The following NFIB variants were observed in gnomAD, a reference collection of about 807,000 sequenced individuals.
NFIB encodes nuclear factor 1 B-type.
Under a neutral mutation model 61.5 loss-of-function variants are expected in NFIB, and 11 were observed. The ratio of observed to expected loss-of-function variants is 0.18; its 90% CI spans 0.11 to 0.30. NFIB has a LOEUF of 0.30. Ranked by LOEUF, NFIB falls within the 10% of genes least tolerant of loss-of-function variation. The probability of loss-of-function intolerance (pLI) is 1.00; values close to 1 mark genes in which losing one functional copy is unlikely to be tolerated. For missense variants in NFIB, 471 were observed against 608.9 expected (o/e 0.77, Z 2.38); for synonymous variants, 260 against 216.5 (o/e 1.20, Z -1.76).
chr9:14,256,929 G>A (rs1420583974), intron 2 of NFIB, among the ~76,000 whole-genome samples: 4 of 152,188 alleles, frequency 2.6e-5, no homozygotes, highest in Non-Finnish European at 5.9e-5. Context: ...CCCCAGTTCT[G>A]ATGAGATTAT....
At chr9:14,450,194 C>A in the NFIB span, among the ~76,000 whole-genome samples, 6 of 151,986 alleles carry the variant, frequency 3.9e-5, no homozygotes, top group Non-Finnish European at 4.4e-5. Context: ...TGTTCAATTC[C>A]CACCGATGAG....
chr9:14,287,642 G>A (rs2058805381), intron 2 of NFIB, among the ~76,000 whole-genome samples: 1 of 151,678 alleles, frequency 6.6e-6, no homozygotes, highest in African/African-American at 2.4e-5. Context: ...GGCTGGTCTT[G>A]AACTACTGAC....
intron 1 of NFIB, among the ~76,000 whole-genome samples, chr9:14,349,061 T>C (rs1394941140): frequency 6.6e-6 from 1 of 152,236 alleles, no homozygotes; most frequent in Non-Finnish European, 1.5e-5. Context: ...AGGGGCTGCC[T>C]AAAGCTCTCG....
At chr9:14,172,774 CTT>C (rs925376777) in intron 3 of NFIB, among the ~76,000 whole-genome samples, 3 of 145,992 alleles carry the variant, frequency 2.1e-5, no homozygotes, top group African/African-American at 2.5e-5. Flanking sequence ...AAATTCAACA[CTT>C]TTTTTTTTTT....
At chr9:14,502,990 T>C in the NFIB span, among the ~76,000 whole-genome samples, 28 of 152,120 alleles carry the variant, frequency 1.8e-4, 1 homozygote, top group East Asian at 3.9e-3. Context: ...AGTTTTCCAT[T>C]TCTGATTTAC....
intron 3 of NFIB, among the ~76,000 whole-genome samples, chr9:14,165,589 C>A: frequency 6.6e-6 from 1 of 152,128 alleles, no homozygotes. Context: ...AATAATAAAT[C>A]TAAGCACAAA....
chr9:14,472,836 G>T, the NFIB span, among the ~76,000 whole-genome samples: 1 of 151,232 alleles, frequency 6.6e-6, no homozygotes, highest in Admixed American at 6.6e-5. Context: ...GCGAGACTCC[G>T]TCTCAAAAAA....
chr9:14,490,652 T>A, the NFIB span, among the ~76,000 whole-genome samples: 1 of 152,126 alleles, frequency 6.6e-6, no homozygotes, highest in East Asian at 1.9e-4. Context: ...TGAACAAGCA[T>A]TTCACAGCAG....
At chr9:14,376,517 C>CTTTTT (rs781462864) in intron 1 of NFIB, among the ~76,000 whole-genome samples, 1 of 128,430 alleles carries the variant, frequency 7.8e-6, no homozygotes, top group Non-Finnish European at 1.6e-5. Flanking sequence ...CTAAAAGTGT[C>CTTTTT]ATTTTTTTTT....
intron 2 of NFIB, among the ~76,000 whole-genome samples, chr9:14,249,992 A>G (rs75866093): frequency 0.015 from 2,286 of 152,300 alleles, 47 homozygotes; most frequent in African/African-American, 0.051. Flanking sequence ...CATGATAAAA[A>G]GTTTCACCTA....
chr9:14,110,121 A>C (rs1764028821), intron 10 of NFIB, among the ~76,000 whole-genome samples: 1 of 152,090 alleles, frequency 6.6e-6, no homozygotes, highest in South Asian at 2.1e-4. Context: ...AATGCTAGTA[A>C]GCTTATGTAT....
intron 1 of NFIB, among the ~76,000 whole-genome samples, chr9:14,355,217 T>C (rs1406607333): frequency 1.3e-5 from 2 of 152,162 alleles, no homozygotes; most frequent in African/African-American, 4.8e-5. Flanking sequence ...CTTAAGTTAT[T>C]ATGAAGTGGG....
At chr9:14,125,198 C>T (rs2039472117) in intron 7 of NFIB, among the ~76,000 whole-genome samples, 1 of 152,164 alleles carries the variant, frequency 6.6e-6, no homozygotes, top group Non-Finnish European at 1.5e-5. Context: ...CACTCTGTCG[C>T]CTAGGCTGGA....
chr9:14,386,017 A>G (rs1055688272), intron 1 of NFIB, among the ~76,000 whole-genome samples: 1 of 152,106 alleles, frequency 6.6e-6, no homozygotes, highest in East Asian at 1.9e-4. Flanking sequence ...TCCTGACCTC[A>G]GGTGATCTAC....
chr9:14,109,084 T>C (rs2036971137), intron 10 of NFIB, among the ~76,000 whole-genome samples: 1 of 152,064 alleles, frequency 6.6e-6, no homozygotes, highest in African/African-American at 2.4e-5. Context: ...CTTTCTATGA[T>C]AGCAAAGGAA....
At chr9:14,391,334 C>T (rs1018524115) in intron 1 of NFIB, among the ~76,000 whole-genome samples, 1 of 6,204 alleles carries the variant, frequency 1.6e-4, no homozygotes, top group South Asian at 6.3e-3. Flanking sequence ...AGGAGATGCC[C>T]CCCCCCCACC....
intron 8 of NFIB, among the ~76,000 whole-genome samples, chr9:14,117,555 A>G (rs934046167): frequency 1.3e-5 from 2 of 152,160 alleles, no homozygotes; most frequent in African/African-American, 4.8e-5. Flanking sequence ...GTAGACATTT[A>G]TTTAGAGAAA....
At chr9:14,511,118 G>T in the NFIB span, among the ~76,000 whole-genome samples, 1 of 152,014 alleles carries the variant, frequency 6.6e-6, no homozygotes. Context: ...TGTTATACTT[G>T]CCAATTTATA....
rs1035238616 is a variant in NFIB at position 14,086,827 on chromosome 9, G to A, written c.*1482C>T. ...TTTTTTAGATTTCAAGGCAAGGCAC[G>A]TAATGTGGACATTATATCTTCGTGC... On this transcript the variant is annotated 3_prime_UTR_variant, in exon 11 of 11. Transcript: ENST00000380953. 5.5e-5 allele frequency: 11 copies of A among 199,918 alleles called. No individual in the cohort carries two copies. Among genetic ancestry groups the A allele is most frequent in the East Asian group, 5.4e-4 (7 of 12,938 alleles). 12.4% of individuals were successfully genotyped at this position (199,918 alleles called of 1,614,324 possible).
Sources: allele counts gnomAD v4.1 joint callset (sites outside exome capture counted in the v4.1 genomes callset), GRCh38; gene constraint gnomAD v4.1.1; transcripts MANE v1.5; gene names NCBI Gene and HGNC (gene_info 2026-07-23, HGNC 2026-07-21).